Variants in SOX6 observed in about 807,000 individuals in gnomAD.
The protein encoded by SOX6 is transcription factor SOX-6.
Under a neutral mutation model 97.8 loss-of-function variants are expected in SOX6, and 11 were observed. That is an observed-to-expected ratio of 0.11 (90% CI 0.07 to 0.19). The LOEUF (loss-of-function observed/expected upper bound fraction) is 0.19, where lower values mean the gene tolerates loss of function less well. Among genes scored for constraint, SOX6 ranks in the 10% least tolerant of loss-of-function variants. The probability of loss-of-function intolerance (pLI) is 1.00; values close to 1 mark genes in which losing one functional copy is unlikely to be tolerated. For missense variants in SOX6, 810 were observed against 1,039.5 expected (o/e 0.78, Z 3.04); for synonymous variants, 360 against 371.4 (o/e 0.97, Z 0.35).
At chr11:16,379,524 A>G (rs1015340652) in intron 1 of SOX6, among the ~76,000 whole-genome samples, 1 of 152,134 alleles carries the variant, frequency 6.6e-6, no homozygotes, top group African/African-American at 2.4e-5. Context: ...CTACTAATGA[A>G]AGAAATGCAA....
At chr11:16,407,055 G>A (rs1457465952) in intron 1 of SOX6, among the ~76,000 whole-genome samples, 3 of 151,952 alleles carry the variant, frequency 2.0e-5, no homozygotes, top group Non-Finnish European at 4.4e-5. Context: ...CCTTAATAAG[G>A]TTTCAAAACT....
At chr11:16,694,483 T>C (rs922285520) in intron 3 of SOX6, among the ~76,000 whole-genome samples, 15 of 152,116 alleles carry the variant, frequency 9.9e-5, no homozygotes, top group Non-Finnish European at 8.8e-5. Flanking sequence ...TGATAGTGCC[T>C]CTGCACTCTA....
At chr11:16,596,372 G>T (rs765270418) in intron 4 of SOX6, among the ~76,000 whole-genome samples, 11 of 152,216 alleles carry the variant, frequency 7.2e-5, no homozygotes, top group Non-Finnish European at 1.6e-4. Context: ...TGGCTAAGCT[G>T]CTGGCTTATG....
chr11:16,422,064 A>G (rs1194448347), intron 1 of SOX6, among the ~76,000 whole-genome samples: 1 of 152,194 alleles, frequency 6.6e-6, no homozygotes, highest in Non-Finnish European at 1.5e-5. Flanking sequence ...CATCCATACC[A>G]TGTCATTTCA....
Position 15,972,754 on chromosome 11 carries a change from T to C in SOX6, c.*55A>G. On this transcript the variant is annotated 3_prime_UTR_variant, in exon 16 of 16. Transcript: ENST00000683767. The stretch of plus-strand genomic sequence containing the variant: ...GCATGCGGGCTCTTTAATAACTCTT[T>C]GTTGGGGAGGGGGGTGAAATGTCAG... 1 of 1,590,628 alleles carries C rather than the reference T, an allele frequency of 6.3e-7. No individual in the cohort carries two copies. The highest frequency in any genetic ancestry group is 8.6e-7 in the Non-Finnish European group (1 of 1,159,090).
chr11:16,283,889 G>A, intron 3 of SOX6: 1 of 426,732 alleles, frequency 2.3e-6, no homozygotes, highest in Non-Finnish European at 4.6e-6. Flanking sequence ...AATAACTAAG[G>A]TACTCCAGAA....
chr11:16,013,320 A>G lies in SOX6; in HGVS notation c.1732+1622T>C, dbSNP rs182964721. ...TAGGTACTCTGCAGTACAATCTCCCAATAAAATTGAGATGGGCCAGACCTG... is the reference window on the plus strand; with the variant it reads ...TAGGTACTCTGCAGTACAATCTCCCGATAAAATTGAGATGGGCCAGACCTG... On this transcript the variant is annotated intron_variant, in intron 13 of 15. Transcript: ENST00000683767. Among the ~76,000 whole-genome samples the G allele has an allele frequency of 8.5e-5, 13 of 152,156 alleles. No homozygotes were observed. In the East Asian group the frequency reaches 2.3e-3, roughly 27 times the overall value.
intron 4 of SOX6, among the ~76,000 whole-genome samples, chr11:16,551,737 G>A (rs1847690291): frequency 6.6e-6 from 1 of 151,988 alleles, no homozygotes; most frequent in Admixed American, 6.6e-5. Context: ...CTGAGTAGCT[G>A]GGATTATAAG....
intron 3 of SOX6, among the ~76,000 whole-genome samples, chr11:16,284,514 A>G (rs542951377): frequency 1.3e-5 from 2 of 152,268 alleles, no homozygotes; most frequent in African/African-American, 4.8e-5. Context: ...TTATATTAAT[A>G]TAATCTTTTA....
rs1185990440 is a variant in SOX6, at chr11:16,698,541, C to T, written n.429+16289G>A. On this transcript the variant is annotated intron_variant and non_coding_transcript_variant, in intron 3 of 5. Transcript: ENST00000524520. ...ACATTGGCATAGCACTTTGAATTTCCTTCAGGAACTTGCCCTTTTCATTCA... is the reference window on the plus strand; with the variant it reads ...ACATTGGCATAGCACTTTGAATTTCTTTCAGGAACTTGCCCTTTTCATTCA... Among the ~76,000 whole-genome samples the T allele has an allele frequency of 2.6e-5, 4 of 152,170 alleles. No individual in the cohort carries two copies. The East Asian group carries it at 5.8e-4, about 22-fold the overall frequency.
intron 1 of SOX6, among the ~76,000 whole-genome samples, chr11:16,390,374 C>A (rs1424023513): frequency 1.3e-5 from 2 of 152,124 alleles, no homozygotes; most frequent in South Asian, 2.1e-4. Flanking sequence ...AAGATTTAGT[C>A]TGTTTCAAGT....
At chr11:16,715,237 A>G (rs556224114) in intron 2 of SOX6, among the ~76,000 whole-genome samples, 1 of 152,250 alleles carries the variant, frequency 6.6e-6, no homozygotes, top group African/African-American at 2.4e-5. Context: ...AATCTAAAAT[A>G]TCTCTCATTA....
intron 6 of SOX6, among the ~76,000 whole-genome samples, chr11:16,124,550 C>T (rs74319950): frequency 6.6e-6 from 1 of 151,866 alleles, no homozygotes; most frequent in South Asian, 2.1e-4. Flanking sequence ...CAGGGTTAAA[C>T]GACCTGAGGA....
At chr11:16,628,895 G>T (rs1453123391) in intron 3 of SOX6, among the ~76,000 whole-genome samples, 1 of 152,080 alleles carries the variant, frequency 6.6e-6, no homozygotes, top group Admixed American at 6.5e-5. Flanking sequence ...GTGGCTCTCA[G>T]CTTGAACATT....
chr11:16,273,224 T>C (rs1381026602), intron 3 of SOX6, among the ~76,000 whole-genome samples: 2 of 151,816 alleles, frequency 1.3e-5, no homozygotes, highest in African/African-American at 4.8e-5. Flanking sequence ...GAAATAGAGA[T>C]GATGTGCGTG....
chr11:16,296,688 C>G (rs1855100664), intron 3 of SOX6, among the ~76,000 whole-genome samples: 1 of 152,020 alleles, frequency 6.6e-6, no homozygotes, highest in Admixed American at 6.6e-5. Context: ...AAAACACCAA[C>G]TAAGATTTAA....
chr11:16,629,869 G>T (rs575466188), intron 3 of SOX6, among the ~76,000 whole-genome samples: 6 of 152,080 alleles, frequency 3.9e-5, no homozygotes, highest in African/African-American at 1.4e-4. Context: ...CTCTAGATTT[G>T]ATAGTTTGTG....
intron 6 of SOX6, among the ~76,000 whole-genome samples, chr11:16,118,342 C>A (rs1231108063): frequency 6.6e-6 from 1 of 152,188 alleles, no homozygotes; most frequent in Non-Finnish European, 1.5e-5. Flanking sequence ...AGGCTACATG[C>A]CCAGAAATTT....
At chr11:16,056,771 G>T (rs1198107860) in intron 9 of SOX6, among the ~76,000 whole-genome samples, 1 of 152,140 alleles carries the variant, frequency 6.6e-6, no homozygotes, top group African/African-American at 2.4e-5. Context: ...TCTGAGACAT[G>T]ATAAGCAGAC....
Sources: gnomAD v4.1 joint callset for allele counts (sites outside exome capture counted in the v4.1 genomes callset) on GRCh38, gnomAD v4.1.1 for gene constraint, MANE v1.5 for transcripts, NCBI Gene and HGNC (gene_info 2026-07-23, HGNC 2026-07-21) for gene names.